The following SEPTIN10 variants were observed in gnomAD, a reference collection of about 807,000 sequenced individuals.
SEPTIN10 encodes septin 10, also known as septin-10.
SEPTIN10 carries 66 observed loss-of-function variants against 54.8 expected under a neutral mutation model. The ratio of observed to expected loss-of-function variants is 1.21; its 90% CI spans 0.99 to 1.48. The LOEUF (loss-of-function observed/expected upper bound fraction) is 1.48. Among genes scored for constraint, SEPTIN10 ranks in the 40% most tolerant of loss-of-function variants. The probability of loss-of-function intolerance (pLI) is 0.00; values close to 1 mark genes in which losing one functional copy is unlikely to be tolerated. For synonymous variants in SEPTIN10, 161 were observed against 181.0 expected, an observed-to-expected ratio of 0.89 and a Z score of 0.89; for missense variants, 620 against 545.6, an observed-to-expected ratio of 1.14 and a Z score of -1.36.
intron 8 of SEPTIN10, among the ~76,000 whole-genome samples, chr2:109,563,192 A>G (rs1686115144): frequency 6.6e-6 from 1 of 152,176 alleles, no homozygotes; most frequent in Non-Finnish European, 1.5e-5. Context: ...ATTACAGGCC[A>G]TGAACCACCA....
At chr2:109,597,729 T>C (rs1695615122) in intron 1 of SEPTIN10, among the ~76,000 whole-genome samples, 2 of 152,246 alleles carry the variant, frequency 1.3e-5, no homozygotes, top group African/African-American at 4.8e-5. Flanking sequence ...ATATACTTTT[T>C]AAAAAGTTGT....
At chr2:109,556,261 G>A (rs1684350031) in intron 8 of SEPTIN10, among the ~76,000 whole-genome samples, 1 of 152,128 alleles carries the variant, frequency 6.6e-6, no homozygotes, top group African/African-American at 2.4e-5. Context: ...CTTGCTATAA[G>A]AATATCCCAA....
At chr2:109,578,158 C>CA (rs1299592282) in intron 4 of SEPTIN10, among the ~76,000 whole-genome samples, 2 of 151,696 alleles carry the variant, frequency 1.3e-5, no homozygotes, top group Non-Finnish European at 2.9e-5. Context: ...ACAGGAAACA[C>CA]AAAAAAGATG....
At chr2:109,550,930 A>G (rs912899346) in intron 9 of SEPTIN10, among the ~76,000 whole-genome samples, 1 of 152,230 alleles carries the variant, frequency 6.6e-6, no homozygotes, top group Non-Finnish European at 1.5e-5. Flanking sequence ...AAATGAAAAA[A>G]TTATTCCAAG....
chr2:109,557,408 T>C lies in SEPTIN10; in HGVS notation c.1029-4189A>G, dbSNP rs566465844. ...CACAGCAACCCTGAAGAACAAGCCCTGACATTCTAAATAAGAAAACTAAAG... is the reference window on the plus strand; with the variant it reads ...CACAGCAACCCTGAAGAACAAGCCCCGACATTCTAAATAAGAAAACTAAAG... On this transcript the variant is annotated intron_variant, in intron 8 of 10. Transcript: ENST00000397712. Among the ~76,000 whole-genome samples, 14 of 152,302 alleles carry C rather than the reference T, an allele frequency of 9.2e-5. No individual in the cohort carries two copies. The South Asian group carries it at 2.9e-3, about 32-fold the overall frequency.
chr2:109,612,133 A>G (rs1419732803), intron 1 of SEPTIN10, among the ~76,000 whole-genome samples: 1 of 152,198 alleles, frequency 6.6e-6, no homozygotes, highest in Non-Finnish European at 1.5e-5. Context: ...CTACCCCAGC[A>G]AACTGCAGAT....
intron 2 of SEPTIN10, among the ~76,000 whole-genome samples, chr2:109,587,468 GA>G (rs1001053766): frequency 1.3e-4 from 20 of 149,470 alleles, no homozygotes; most frequent in African/African-American, 2.5e-4. Context: ...AGGAGGGAGG[GA>G]AAAAAATATC....
rs192955962 is a variant in SEPTIN10 at position 109,606,393 on chromosome 2, G to A, written c.30+7405C>T. On this transcript the variant is annotated intron_variant, in intron 1 of 10. Transcript: ENST00000397712. ...CTGCACCACTGCATTCCAGTCTGGC[G>A]ACAAAGCAAGACTCTGTCTCAAAAA... Among the ~76,000 whole-genome samples, 34 of 152,126 alleles carry A rather than the reference G, an allele frequency of 2.2e-4. 1 individual carries two copies. The highest frequency in any genetic ancestry group is 1.6e-3 in the Admixed American group (25 of 15,260).
intron 2 of SEPTIN10, among the ~76,000 whole-genome samples, chr2:109,586,700 G>A (rs1268511434): frequency 6.6e-6 from 1 of 152,200 alleles, no homozygotes; most frequent in Non-Finnish European, 1.5e-5. Context: ...ATCTTGGAGA[G>A]ATGGACAGAG....
chr2:109,612,825 G>A (rs1259094191), intron 1 of SEPTIN10, among the ~76,000 whole-genome samples: 5 of 152,140 alleles, frequency 3.3e-5, no homozygotes, highest in African/African-American at 1.2e-4. Flanking sequence ...CTGAATCAGG[G>A]AGAAAAATCT....
intron 1 of SEPTIN10, among the ~76,000 whole-genome samples, chr2:109,597,743 A>G (rs1695618020): frequency 6.6e-6 from 1 of 152,222 alleles, no homozygotes; most frequent in Non-Finnish European, 1.5e-5. Context: ...AAGTTGTATT[A>G]TCTATGAATC....
intron 2 of SEPTIN10, among the ~76,000 whole-genome samples, chr2:109,588,190 T>TA (rs1397199987): frequency 2.0e-5 from 3 of 151,408 alleles, no homozygotes; most frequent in Non-Finnish European, 4.4e-5. Context: ...CAACTTCAGA[T>TA]AAACAAAATC....
intron 8 of SEPTIN10, among the ~76,000 whole-genome samples, chr2:109,557,260 G>C (rs1684597816): frequency 6.6e-6 from 1 of 152,190 alleles, no homozygotes; most frequent in Admixed American, 6.5e-5. Context: ...ATCTATACAA[G>C]CACTTGAGTT....
chr2:109,554,850 T>G (rs944185824), intron 8 of SEPTIN10, among the ~76,000 whole-genome samples: 1 of 152,212 alleles, frequency 6.6e-6, no homozygotes, highest in African/African-American at 2.4e-5. Context: ...AGTGCTGATA[T>G]GGAGTACTAG....
In SEPTIN10 at chr2:109,574,772, A is replaced by G. The variant is rs1689276298; in HGVS notation, c.414-5T>C. 1.3e-6 allele frequency: 2 copies of G among 1,560,916 alleles called. No homozygotes were observed. Among genetic ancestry groups the G allele is most frequent in the African/African-American group, 1.4e-5 (1 of 72,608 alleles). ...TAGTCAACTATTGGTTGGTAGCTGA[A>G]AAATTATTTAAATGTTTAATACAAC... On this transcript the variant is annotated splice_region_variant and splice_polypyrimidine_tract_variant and intron_variant, in intron 4 of 10. Coordinates refer to ENST00000397712, the MANE Select transcript of SEPTIN10 (RefSeq NM_144710.5).
chr2:109,557,670 T>C (rs1045573824), intron 8 of SEPTIN10, among the ~76,000 whole-genome samples: 6 of 152,196 alleles, frequency 3.9e-5, no homozygotes, highest in African/African-American at 1.4e-4. Context: ...AAGAAACTTG[T>C]ACTATTTTTC....
intron 4 of SEPTIN10, among the ~76,000 whole-genome samples, chr2:109,579,199 A>G (rs1690490166): frequency 6.6e-6 from 1 of 152,212 alleles, no homozygotes. Context: ...AGATTCCTGG[A>G]AAATTATAAC....
chr2:109,606,651 AAT>A (rs1698041900), intron 1 of SEPTIN10, among the ~76,000 whole-genome samples: 1 of 150,760 alleles, frequency 6.6e-6, no homozygotes, highest in Non-Finnish European at 1.5e-5. Context: ...TTAAAAAAAA[AAT>A]TGCACTAAAA....
intron 9 of SEPTIN10, among the ~76,000 whole-genome samples, chr2:109,548,157 G>T (rs1250295678): frequency 6.9e-6 from 1 of 145,274 alleles, no homozygotes; most frequent in Non-Finnish European, 1.5e-5. Context: ...AGGTGGACCT[G>T]GTTTAATTGT....
Sources: gnomAD v4.1 joint callset for allele counts (sites outside exome capture counted in the v4.1 genomes callset) on GRCh38, gnomAD v4.1.1 for gene constraint, MANE v1.5 for transcripts, NCBI Gene and HGNC (gene_info 2026-07-23, HGNC 2026-07-21) for gene names.